The following STK32B variants were observed in gnomAD, a reference collection of about 807,000 sequenced individuals.
The protein encoded by STK32B is serine/threonine kinase 32B, also known as serine/threonine-protein kinase 32B.
Under a neutral mutation model 52.6 loss-of-function variants are expected in STK32B, and 43 were observed. The observed-to-expected ratio is 0.82, with a 90% CI of 0.64 to 1.05. The LOEUF is 1.05. STK32B is among the 50% of genes least tolerant of loss of function. The pLI is 0.00. For missense variants in STK32B, 621 were observed against 534.6 expected (o/e 1.16, Z -1.59); for synonymous variants, 238 against 204.3 (o/e 1.17, Z -1.41).
rs1364004895 is a variant in STK32B at position 5,380,207 on chromosome 4, A to T, written c.435-18000A>T. On this transcript the variant is annotated intron_variant, in intron 4 of 11. Coordinates refer to ENST00000282908, the MANE Select transcript of STK32B (RefSeq NM_018401.3). This position sits in a 1 kb window ranked among gnomAD's most constrained non-coding sequence, Gnocchi z 4.3. The stretch of plus-strand genomic sequence containing the variant: ...AAGCTATTTCATTATCTCTTCACTT[A>T]GCAGATAAAAAAGAAAATGGAACTG... Among the ~76,000 whole-genome samples the T allele has an allele frequency of 6.6e-6, 1 of 152,124 alleles. No homozygotes were observed. The highest frequency in any genetic ancestry group is 1.5e-5 in the Non-Finnish European group (1 of 68,030).
chr4:5,391,043 C>T (rs545135401), intron 4 of STK32B, among the ~76,000 whole-genome samples: 12 of 149,626 alleles, frequency 8.0e-5, no homozygotes, highest in Middle Eastern at 3.4e-3. Flanking sequence ...TCGGCTCACT[C>T]TGCCTCCTAG....
In STK32B at chr4:5,469,775, C is replaced by T. The variant is rs534965909; in HGVS notation, c.1106+1705C>T. 1.3e-5 allele frequency among the ~76,000 whole-genome samples: 2 copies of T among 152,294 alleles called. No individual in the cohort carries two copies. Among genetic ancestry groups the T allele is most frequent in the South Asian group, 4.1e-4 (2 of 4,824 alleles). ...CTCTGGCCAACAACACAGGAAGGGC[C>T]TCTGCAGCCACAGCCCATCAGACTT... On this transcript the variant is annotated intron_variant, in intron 11 of 11. Transcript: ENST00000282908. This position sits in a 1 kb window ranked among gnomAD's most constrained non-coding sequence, Gnocchi z 4.7.
intron 3 of STK32B, among the ~76,000 whole-genome samples, chr4:5,265,991 T>C (rs1727032274): frequency 6.6e-6 from 1 of 152,198 alleles, no homozygotes; most frequent in African/African-American, 2.4e-5. Context: ...ACATAAAAAT[T>C]TTCACTTATT....
intron 1 of STK32B, among the ~76,000 whole-genome samples, chr4:5,104,034 G>A (rs894311108): frequency 1.1e-4 from 17 of 152,160 alleles, no homozygotes; most frequent in African/African-American, 2.9e-4. Context: ...GAAATGCCTC[G>A]AAAGTTTTAA....
chr4:5,187,211 G>A (rs1423707393), intron 3 of STK32B, among the ~76,000 whole-genome samples: 3 of 152,132 alleles, frequency 2.0e-5, no homozygotes, highest in East Asian at 3.9e-4. Context: ...GGGGTACTCC[G>A]CTTCTCCCGC....
In STK32B at chr4:5,418,595, G is replaced by A. The variant is rs193106729; in HGVS notation, c.562+1661G>A. On this transcript the variant is annotated intron_variant, in intron 6 of 11. Transcript: ENST00000282908. The stretch of plus-strand genomic sequence containing the variant: ...GCATAGAATCTGATAACTGGATGAA[G>A]CATTTATAGGCGGTACCTAACCAGA... Among the ~76,000 whole-genome samples the A allele has an allele frequency of 7.2e-5, 11 of 152,308 alleles. 1 individual carries two copies. Among genetic ancestry groups the A allele is most frequent in the Admixed American group, 7.2e-4 (11 of 15,302 alleles).
At chr4:5,420,019 C>A (rs1712488820) in intron 6 of STK32B, among the ~76,000 whole-genome samples, 2 of 152,304 alleles carry the variant, frequency 1.3e-5, no homozygotes, top group East Asian at 3.9e-4. Flanking sequence ...GGCACATTAA[C>A]TATAACCTAT....
chr4:5,466,988 AG>A (rs1257262879), intron 10 of STK32B, among the ~76,000 whole-genome samples, 154 bp downstream of exon 10: 6 of 152,200 alleles, frequency 3.9e-5, no homozygotes, highest in Non-Finnish European at 7.4e-5. Context: ...TCAAACAAGT[AG>A]GGGGAAAGAG....
At chr4:5,316,898 TAATATATAATATATATGATATAA>T (rs1730921714) in intron 3 of STK32B, among the ~76,000 whole-genome samples, 2 of 14,828 alleles carry the variant, frequency 1.3e-4, no homozygotes, top group Non-Finnish European at 1.8e-4. Context: ...ATATTATATA[TAATATATAATATATATGATATAA>T]TATATATAAT....
chr4:5,394,752 A>T lies in STK32B; in HGVS notation c.435-3455A>T, dbSNP rs1203797031. On this transcript the variant is annotated intron_variant, in intron 4 of 11. Transcript: ENST00000282908. The surrounding 1 kb of genome is among the most constrained non-coding windows in gnomAD (Gnocchi z 4.2). The stretch of plus-strand genomic sequence containing the variant: ...TCATTGTACACTCAGCAACAGTGAG[A>T]TGGCTGTTGCTGTTCCCATTTCCCA... Among the ~76,000 whole-genome samples the T allele has an allele frequency of 6.6e-6, 1 of 152,220 alleles. No homozygotes were observed. Among genetic ancestry groups the T allele is most frequent in the East Asian group, 1.9e-4 (1 of 5,198 alleles).
At chr4:5,104,154 T>C (rs1351386398) in intron 1 of STK32B, among the ~76,000 whole-genome samples, 1 of 151,924 alleles carries the variant, frequency 6.6e-6, no homozygotes, top group Non-Finnish European at 1.5e-5. Flanking sequence ...TCCCCACATG[T>C]CATGGGAGGG....
At chr4:5,020,295 G>A in the STK32B span, among the ~76,000 whole-genome samples, 1 of 152,144 alleles carries the variant, frequency 6.6e-6, no homozygotes, top group Admixed American at 6.5e-5. Flanking sequence ...TTTGACCTTG[G>A]GCAAGTTTCT....
At chr4:5,247,001 G>A (rs747753909) in intron 3 of STK32B, among the ~76,000 whole-genome samples, 1 of 152,208 alleles carries the variant, frequency 6.6e-6, no homozygotes, top group African/African-American at 2.4e-5. Context: ...GTACCTCCCT[G>A]TTAGGCTCCT....
intron 1 of STK32B, among the ~76,000 whole-genome samples, chr4:5,123,335 T>G (rs911146023): frequency 6.6e-6 from 1 of 152,196 alleles, no homozygotes; most frequent in Non-Finnish European, 1.5e-5. Flanking sequence ...TTCATCTTCC[T>G]TGGAGCCTCA....
At chr4:5,297,053 A>G (rs1729248298) in intron 3 of STK32B, among the ~76,000 whole-genome samples, 1 of 152,168 alleles carries the variant, frequency 6.6e-6, no homozygotes, top group African/African-American at 2.4e-5. Context: ...GTTTGGCTGG[A>G]TATGAAATTC....
chr4:5,064,097 A>T (rs1742317835), intron 1 of STK32B, among the ~76,000 whole-genome samples: 1 of 151,658 alleles, frequency 6.6e-6, no homozygotes, highest in Non-Finnish European at 1.5e-5. Context: ...TTGCAATTTC[A>T]CTTTTCAAGC....
chr4:5,270,647 A>G (rs1371309104), intron 3 of STK32B, among the ~76,000 whole-genome samples: 1 of 152,236 alleles, frequency 6.6e-6, no homozygotes, highest in Non-Finnish European at 1.5e-5. Flanking sequence ...GAGATCTGGA[A>G]CAAATATCCA....
intron 6 of STK32B, among the ~76,000 whole-genome samples, chr4:5,432,096 A>G (rs1486288100): frequency 6.6e-6 from 1 of 152,246 alleles, no homozygotes; most frequent in Admixed American, 6.5e-5. Context: ...CAATCTCTGA[A>G]GTAAATGCGT....
intron 7 of STK32B, among the ~76,000 whole-genome samples, chr4:5,454,309 T>A (rs1716299797): frequency 6.6e-6 from 1 of 152,116 alleles, no homozygotes; most frequent in Admixed American, 6.5e-5. Flanking sequence ...CTCTCACAGT[T>A]CTGAAGGCCA....
Sources: gnomAD v4.1 joint callset for allele counts (sites outside exome capture counted in the v4.1 genomes callset) on GRCh38, gnomAD v4.1.1 for gene constraint, Gnocchi (gnomAD v3.1) non-coding constraint, MANE v1.5 for transcripts, NCBI Gene and HGNC (gene_info 2026-07-23, HGNC 2026-07-21) for gene names.